Variants in CADPS2 observed in about 807,000 individuals in gnomAD.
CADPS2 encodes the protein calcium dependent secretion activator 2, also known as calcium-dependent secretion activator 2.
CADPS2 carries 93 observed loss-of-function variants against 172.5 expected under a neutral mutation model. The observed-to-expected ratio is 0.54, with a 90% CI of 0.46 to 0.64. The LOEUF (loss-of-function observed/expected upper bound fraction) is 0.64, where lower values mean the gene tolerates loss of function less well. Ranked by LOEUF, CADPS2 falls within the 30% of genes least tolerant of loss-of-function variation. CADPS2 has a pLI of 0.00. For missense variants in CADPS2, 1,420 were observed against 1,565.9 expected, an observed-to-expected ratio of 0.91 and a Z score of 1.57; for synonymous variants, 546 against 555.2, an observed-to-expected ratio of 0.98 and a Z score of 0.23.
chr7:122,842,125 C>A (rs1478567113), intron 1 of CADPS2, among the ~76,000 whole-genome samples: 1 of 152,164 alleles, frequency 6.6e-6, no homozygotes, highest in Non-Finnish European at 1.5e-5. Context: ...GGAGCATGAG[C>A]TTTGGCTCAG....
chr7:122,412,556 G>A (rs1479112794), intron 19 of CADPS2, among the ~76,000 whole-genome samples: 1 of 152,172 alleles, frequency 6.6e-6, no homozygotes, highest in African/African-American at 2.4e-5. Flanking sequence ...CCCAGCAAAT[G>A]AATCAACCAT....
At chr7:122,350,891 T>C (rs1014955290) in intron 27 of CADPS2, among the ~76,000 whole-genome samples, 2 of 151,316 alleles carry the variant, frequency 1.3e-5, no homozygotes, top group Admixed American at 1.3e-4. Flanking sequence ...GAGTCTGAGG[T>C]GGGAGGCTGC....
intron 1 of CADPS2, among the ~76,000 whole-genome samples, chr7:122,818,083 T>C (rs1474303353): frequency 2.6e-5 from 4 of 151,450 alleles, no homozygotes; most frequent in Admixed American, 6.6e-5. Context: ...CCCAACCCCT[T>C]TTCCTACTTT....
chr7:122,756,913 A>T (rs2093186240), intron 1 of CADPS2, among the ~76,000 whole-genome samples: 2 of 152,154 alleles, frequency 1.3e-5, no homozygotes, highest in Admixed American at 1.3e-4. Flanking sequence ...GAAAAAAAAA[A>T]AAAAATTACA....
intron 12 of CADPS2, among the ~76,000 whole-genome samples, chr7:122,479,157 A>T (rs1299639352): frequency 6.6e-6 from 1 of 152,072 alleles, no homozygotes; most frequent in East Asian, 1.9e-4. Context: ...AAAGGACTAA[A>T]AGGGTGCTGC....
intron 1 of CADPS2, among the ~76,000 whole-genome samples, chr7:122,881,899 A>G (rs1472121988): frequency 5.9e-5 from 9 of 152,138 alleles, no homozygotes; most frequent in Non-Finnish European, 1.3e-4. Flanking sequence ...ACCCTTTCAC[A>G]TTGCCTTTAT....
intron 1 of CADPS2, among the ~76,000 whole-genome samples, chr7:122,737,885 T>A (rs894940131): frequency 6.6e-6 from 1 of 151,962 alleles, no homozygotes; most frequent in African/African-American, 2.4e-5. Flanking sequence ...CTAAGAAAGA[T>A]CCCTCTGGAA....
chr7:122,321,067 C>T (rs971767929), intron 29 of CADPS2, among the ~76,000 whole-genome samples: 2 of 152,140 alleles, frequency 1.3e-5, no homozygotes, highest in African/African-American at 4.8e-5. Flanking sequence ...ATTGTTTGTA[C>T]AATGATTTTC....
chr7:122,526,646 T>C (rs1180754225), intron 8 of CADPS2, among the ~76,000 whole-genome samples: 1 of 152,248 alleles, frequency 6.6e-6, no homozygotes, highest in East Asian at 1.9e-4. Context: ...CTAACACTTA[T>C]TTTTAAATTG....
In CADPS2 at chr7:122,663,582, CA is replaced by C. The variant is rs1279366661; in HGVS notation, c.454-14del. 2 of 1,527,272 alleles carry C rather than the reference CA, an allele frequency of 1.3e-6. No individual in the cohort carries two copies. The highest frequency in any genetic ancestry group is 1.8e-6 in the Non-Finnish European group (2 of 1,131,484). The allele number at this position is 1,527,272 out of a possible 1,614,324, so 94.6% of individuals were successfully genotyped here. Reference sequence around the variant, plus strand: ...TCTTTAGAAAAACCTGAAAACAAAACAAAACAAAACAAAACAAAAAACAATT... The same window carrying C: ...TCTTTAGAAAAACCTGAAAACAAAACAAACAAAACAAAACAAAAAACAATT... On this transcript the variant is annotated splice_polypyrimidine_tract_variant and intron_variant, in intron 2 of 29. Coordinates refer to ENST00000449022, the MANE Select transcript of CADPS2 (RefSeq NM_017954.11).
At chr7:122,695,201 C>T (rs574269000) in intron 2 of CADPS2, among the ~76,000 whole-genome samples, 7 of 152,100 alleles carry the variant, frequency 4.6e-5, no homozygotes, top group Admixed American at 2.0e-4. Flanking sequence ...TAGCACCACC[C>T]GATAAGAGTT....
chr7:122,847,888 A>C (rs910758671), intron 1 of CADPS2, among the ~76,000 whole-genome samples: 1 of 152,226 alleles, frequency 6.6e-6, no homozygotes, highest in Non-Finnish European at 1.5e-5. Context: ...GTACTTGTTA[A>C]ACAAATGTGG....
intron 2 of CADPS2, among the ~76,000 whole-genome samples, chr7:122,715,559 C>T (rs1281436423): frequency 6.6e-6 from 1 of 152,048 alleles, no homozygotes; most frequent in African/African-American, 2.4e-5. Flanking sequence ...AAACAGAGGT[C>T]ATTCTGCTTT....
At chr7:122,762,041 C>T (rs1408430316) in intron 1 of CADPS2, among the ~76,000 whole-genome samples, 10 of 145,640 alleles carry the variant, frequency 6.9e-5, no homozygotes, top group African/African-American at 2.0e-4. Context: ...CACACACACA[C>T]ACACACACAC....
At chr7:122,883,941 G>A (rs903367927) in intron 1 of CADPS2, among the ~76,000 whole-genome samples, 2 of 152,018 alleles carry the variant, frequency 1.3e-5, no homozygotes, top group Admixed American at 1.3e-4. Flanking sequence ...GTAGTATTGT[G>A]AATGCACCTG....
chr7:122,601,345 T>C (rs2072744003), intron 6 of CADPS2, among the ~76,000 whole-genome samples: 1 of 152,026 alleles, frequency 6.6e-6, no homozygotes, highest in Non-Finnish European at 1.5e-5. Flanking sequence ...ACAGACTTGC[T>C]TCAGGTAAAA....
rs530179103 is a variant in CADPS2, at chr7:122,481,645, C to T, written c.1853-785G>A. Among the ~76,000 whole-genome samples the T allele has an allele frequency of 3.3e-5, 5 of 151,580 alleles. No individual in the cohort carries two copies. In the South Asian group the frequency reaches 1.0e-3, roughly 32 times the overall value. On this transcript the variant is annotated intron_variant, in intron 11 of 29. Transcript: ENST00000449022. ...ATCCCAGCTACTTGGGAGGCTGAGG[C>T]ATGGGAATCCCATAGCCTGATCAGT...
intron 2 of CADPS2, chr7:122,681,383 TACTA>T: frequency 6.7e-7 from 1 of 1,498,014 alleles, no homozygotes; most frequent in Non-Finnish European, 9.2e-7. Flanking sequence ...CTGTTCGCTG[TACTA>T]ACTGTGCCCG....
At chr7:122,877,149 A>T (rs1821421211) in intron 1 of CADPS2, among the ~76,000 whole-genome samples, 1 of 152,244 alleles carries the variant, frequency 6.6e-6, no homozygotes, top group African/African-American at 2.4e-5. Flanking sequence ...GATCTGTCAC[A>T]TCAGTAAAAC....
Sources: gnomAD v4.1 joint callset for allele counts (sites outside exome capture counted in the v4.1 genomes callset) on GRCh38, gnomAD v4.1.1 for gene constraint, MANE v1.5 for transcripts, NCBI Gene and HGNC (gene_info 2026-07-23, HGNC 2026-07-21) for gene names.